Variants in FREM2 observed in about 807,000 individuals in gnomAD.
FREM2 encodes FRAS1-related extracellular matrix protein 2.
FREM2 carries 119 observed loss-of-function variants against 219.9 expected under a neutral mutation model. The ratio of observed to expected loss-of-function variants is 0.54; its 90% CI spans 0.47 to 0.63. The LOEUF (loss-of-function observed/expected upper bound fraction) is 0.63. Among genes scored for constraint, FREM2 ranks in the 30% least tolerant of loss-of-function variants. The pLI, the probability that FREM2 is intolerant of heterozygous loss-of-function variation, is 0.00. For missense variants in FREM2, 4,030 were observed against 3,993.6 expected (o/e 1.01, Z -0.25); for synonymous variants, 1,562 against 1,522.8 (o/e 1.03, Z -0.60).
chr13:38,857,276 A>C (rs1877597676), intron 12 of FREM2, among the ~76,000 whole-genome samples: 1 of 152,196 alleles, frequency 6.6e-6, no homozygotes, highest in African/African-American at 2.4e-5. Context: ...TTAGGGAGCC[A>C]GGGCAAACTC....
At chr13:38,835,640 C>T (rs1405268580) in intron 6 of FREM2, among the ~76,000 whole-genome samples, 3 of 152,160 alleles carry the variant, frequency 2.0e-5, no homozygotes, top group African/African-American at 4.8e-5. Context: ...GTTTGTAGTT[C>T]TCCTTGAAGA....
At chr13:38,730,630 C>G (rs1336731632) in intron 2 of FREM2, among the ~76,000 whole-genome samples, 2 of 152,202 alleles carry the variant, frequency 1.3e-5, no homozygotes, top group African/African-American at 2.4e-5. Context: ...GCAGCTCACC[C>G]TCACTCCCAC....
intron 1 of FREM2, among the ~76,000 whole-genome samples, chr13:38,694,603 T>C (rs1870028498): frequency 6.6e-6 from 1 of 152,184 alleles, no homozygotes; most frequent in Non-Finnish European, 1.5e-5. Context: ...TATATTTTGA[T>C]GGATTTTCAA....
intron 6 of FREM2, among the ~76,000 whole-genome samples, chr13:38,794,431 T>C (rs999676339): frequency 6.6e-6 from 1 of 152,198 alleles, no homozygotes; most frequent in Admixed American, 6.5e-5. Flanking sequence ...TACTAAAAGA[T>C]TTTAACCAGC....
rs757232870 is a variant in FREM2, at chr13:38,784,674, G to A, written c.5885G>A (p.Arg1962Gln). The change falls in exon 6 of 24, where the codon CGG (arginine) becomes CAG (glutamine). Residue 1962 changes from arginine to glutamine, a missense_variant. Arg to Gln is a conservative substitution (Grantham distance 43). Transcript: ENST00000280481. ...FDKDEREKLC[R>Q]IVIIDDSLYE... ...AAAGATGAACGGGAGAAACTGTGTC[G>A]GATAGTCATAATTGATGACTCTTTG... is the stretch of plus-strand genomic sequence containing the variant. 7 of 1,614,082 alleles carry A rather than the reference G, an allele frequency of 4.3e-6. No homozygotes were observed. The highest frequency in any genetic ancestry group is 2.2e-5 in the East Asian group (1 of 44,856).
At chr13:38,786,904 CAA>C (rs761661386) in intron 6 of FREM2, among the ~76,000 whole-genome samples, 2 of 152,156 alleles carry the variant, frequency 1.3e-5, no homozygotes, top group Non-Finnish European at 1.5e-5. Flanking sequence ...TAGTATACAG[CAA>C]AGTCAGTATC....
chr13:38,689,769 C>T lies in FREM2; in HGVS notation c.2425C>T (p.Arg809Ter), dbSNP rs761047751. 5 of 1,613,166 alleles carry T rather than the reference C, an allele frequency of 3.1e-6. No individual in the cohort carries two copies. The highest frequency in any genetic ancestry group is 1.1e-5 in the South Asian group (1 of 90,904). The change falls in exon 1 of 24, where the codon CGA becomes TGA. Residue 809 changes from arginine to a stop codon, truncating the protein, a stop_gained. Transcript: ENST00000280481. LOFTEE classifies it high-confidence loss of function. ...VAQFQFQVED[R>*]AGNVAPGTFT... ...CCAGTTCCAGTTCCAGGTGGAAGAC[C>T]GAGCTGGGAATGTGGCTCCAGGTAC...
At chr13:38,777,650 G>A (rs1873924660) in intron 4 of FREM2, among the ~76,000 whole-genome samples, 2 of 152,182 alleles carry the variant, frequency 1.3e-5, no homozygotes, top group Non-Finnish European at 1.5e-5. Flanking sequence ...TTTAAGGGTA[G>A]TCTACAAATG....
intron 6 of FREM2, among the ~76,000 whole-genome samples, chr13:38,804,569 A>G (rs1207807821): frequency 6.6e-6 from 1 of 152,186 alleles, no homozygotes; most frequent in Non-Finnish European, 1.5e-5. Context: ...AAAGCTAAGT[A>G]TGTAAAAAGC....
chr13:38,748,471 G>T (rs1477359571), intron 2 of FREM2, among the ~76,000 whole-genome samples: 2 of 152,182 alleles, frequency 1.3e-5, no homozygotes, highest in Non-Finnish European at 2.9e-5. Context: ...CAGGCTCTCT[G>T]CTCATATCTG....
intron 4 of FREM2, among the ~76,000 whole-genome samples, chr13:38,773,707 A>G (rs769485961): frequency 2.6e-5 from 4 of 152,114 alleles, no homozygotes; most frequent in Non-Finnish European, 5.9e-5. Flanking sequence ...GATTACAGGC[A>G]TCAGCCACCA....
intron 6 of FREM2, among the ~76,000 whole-genome samples, chr13:38,820,866 G>A (rs949497803): frequency 5.9e-5 from 9 of 152,144 alleles, no homozygotes; most frequent in African/African-American, 2.2e-4. Context: ...TTTAAGTCTA[G>A]AAAATGCACT....
chr13:38,847,225 A>T (rs918746652), intron 7 of FREM2, among the ~76,000 whole-genome samples: 1 of 152,208 alleles, frequency 6.6e-6, no homozygotes, highest in African/African-American at 2.4e-5. Flanking sequence ...ACATATCTGC[A>T]TTTTATTCCG....
At chr13:38,695,864 G>A (rs567867061) in intron 1 of FREM2, among the ~76,000 whole-genome samples, 6 of 152,198 alleles carry the variant, frequency 3.9e-5, no homozygotes, top group East Asian at 1.9e-4. Flanking sequence ...AAACATTTGC[G>A]CCTTTGCTAC....
chr13:38,802,666 A>C (rs1272512123), intron 6 of FREM2, among the ~76,000 whole-genome samples: 1 of 152,318 alleles, frequency 6.6e-6, no homozygotes, highest in Non-Finnish European at 1.5e-5. Flanking sequence ...CTCCAGGATA[A>C]GACACAGTCC....
Position 38,859,411 on chromosome 13 carries a change from C to A in FREM2, c.7340C>A (p.Thr2447Asn). 6.2e-7 allele frequency: 1 copy of A among 1,614,130 alleles called. No homozygotes were observed. The highest frequency in any genetic ancestry group is 8.5e-7 in the Non-Finnish European group (1 of 1,180,006). The change falls in exon 14 of 24, where the codon ACC becomes AAC. Residue 2447 changes from threonine (T) to asparagine (N), a missense_variant. Coordinates refer to ENST00000280481, the MANE Select transcript of FREM2 (RefSeq NM_207361.6). ...GCACCTGCGGGCCCTGACGGTGTGA[C>A]CAGCCCTATGAGAGAAGTGGACTTC... ...ISAPAGPDGV[T>N]SPMREVDFDT...
chr13:38,837,363 T>C (rs1380392263), intron 6 of FREM2, among the ~76,000 whole-genome samples: 1 of 152,190 alleles, frequency 6.6e-6, no homozygotes, highest in African/African-American at 2.4e-5. Flanking sequence ...CTTCCAATTA[T>C]GTGGTTGATT....
At chr13:38,721,640 G>A (rs775823563) in intron 2 of FREM2, among the ~76,000 whole-genome samples, 3 of 152,144 alleles carry the variant, frequency 2.0e-5, no homozygotes, top group Non-Finnish European at 4.4e-5. Context: ...GCAGTTGGCC[G>A]GGCTAGGCAT....
chr13:38,786,417 A>G (rs1874332802), intron 6 of FREM2, among the ~76,000 whole-genome samples: 2 of 152,212 alleles, frequency 1.3e-5, no homozygotes. Context: ...AAGCTGCTCT[A>G]ATATTTTTAA....
Sources: gnomAD v4.1 joint callset for allele counts (sites outside exome capture counted in the v4.1 genomes callset) on GRCh38, gnomAD v4.1.1 for gene constraint, MANE v1.5 for transcripts, NCBI Gene and HGNC (gene_info 2026-07-23, HGNC 2026-07-21) for gene names.